BSN: variants seen among roughly 807,000 people sequenced by gnomAD.
BSN encodes protein bassoon.
In BSN, 57 loss-of-function variants were observed where a neutral mutation model predicts 264.8. The ratio of observed to expected loss-of-function variants is 0.22; its 90% CI spans 0.17 to 0.27. The LOEUF (loss-of-function observed/expected upper bound fraction) is 0.27. Ranked by LOEUF, BSN falls within the 10% of genes least tolerant of loss-of-function variation. The pLI is 1.00. For synonymous variants in BSN, 2,059 were observed against 2,137.3 expected (o/e 0.96, Z 1.01); for missense variants, 4,615 against 5,232.5 (o/e 0.88, Z 3.64).
In BSN at chr3:49,662,329, C is replaced by G. The variant is rs979579029; in HGVS notation, c.10484C>G (p.Pro3495Arg). The G allele has an allele frequency of 6.2e-7, 1 of 1,613,630 alleles. No individual in the cohort carries two copies. Among genetic ancestry groups the G allele is most frequent in the Admixed American group, 1.7e-5 (1 of 60,022 alleles). ...SLSMAHSRVR[P>R]PMRSQASEEE... ...AGTATGGCCCACAGCCGGGTACGACCCCCCATGCGGAGCCAGGCCTCTGAA... is the reference window on the plus strand; with the variant it reads ...AGTATGGCCCACAGCCGGGTACGACGCCCCATGCGGAGCCAGGCCTCTGAA... Residue 3495 changes from proline (P) to arginine (R), a missense_variant, in exon 6 of 12, where the codon CCC (proline) becomes CGC (arginine). Coordinates refer to ENST00000296452, the MANE Select transcript of BSN (RefSeq NM_003458.4).
rs773964271 is a variant in BSN at position 49,652,154 on chromosome 3, G to C, written c.2598G>C (p.Gly866=). ...AGGAGGATGACACTGCCACCTCCGG[G>C]CGTGGCCTGGCCAAACATGGCACCC... is the stretch of plus-strand genomic sequence containing the variant. ...NLEEDDTATS[G]RGLAKHGTQK... is the part of the protein sequence containing the mutation. Residue 866 remains glycine (G), a synonymous_variant, in exon 5 of 12, where the codon GGG becomes GGC. Transcript: ENST00000296452. 1 of 1,614,038 alleles carries C rather than the reference G, an allele frequency of 6.2e-7. No individual in the cohort carries two copies. The highest frequency in any genetic ancestry group is 1.7e-5 in the Admixed American group (1 of 60,022).
rs777280516 is a variant in BSN, at chr3:49,642,674, C to G, written c.1040C>G (p.Thr347Ser). The G allele has an allele frequency of 8.7e-6, 14 of 1,611,028 alleles. No homozygotes were observed. The South Asian group carries it at 1.5e-4, about 18-fold the overall frequency. The change falls in exon 3 of 12, where the codon ACT becomes AGT. Residue 347 changes from threonine (T) to serine (S), a missense_variant. Thr to Ser is a moderately conservative substitution (Grantham distance 58). Around this residue, in one of 3 missense-constraint regions of BSN, gnomAD observed 1,197 missense variants for 1,348.0 expected, o/e 0.89. Transcript: ENST00000296452. The surrounding 1 kb of genome is among the most constrained non-coding windows in gnomAD (Gnocchi z 7.0). ...GATEQTQEGL[T>S]GKLFGLGASL... ...ACTGAGCAGACCCAGGAGGGCCTCA[C>G]TGGTAAGCTCTTCGGCCTTGGCGCG...
chr3:49,664,222 C>G (rs1433855538), intron 8 of BSN, among the ~76,000 whole-genome samples: 1 of 151,980 alleles, frequency 6.6e-6, no homozygotes, highest in Non-Finnish European at 1.5e-5. Flanking sequence ...TCTTCTTTCC[C>G]TTCCTCAACC....
At chr3:49,618,955 C>T (rs183735036) in intron 1 of BSN, among the ~76,000 whole-genome samples, 70 of 152,126 alleles carry the variant, frequency 4.6e-4, no homozygotes, top group African/African-American at 1.5e-3. Flanking sequence ...TATAAGAATA[C>T]CTATACAACA....
At chr3:49,611,313 T>C (rs1040418669) in intron 1 of BSN, among the ~76,000 whole-genome samples, 1 of 152,214 alleles carries the variant, frequency 6.6e-6, no homozygotes, top group Non-Finnish European at 1.5e-5. Context: ...GGCTCAGCTT[T>C]ATGTAATGAC....
At chr3:49,666,782 G>A (rs989376561) in intron 11 of BSN, among the ~76,000 whole-genome samples, 2 of 152,200 alleles carry the variant, frequency 1.3e-5, no homozygotes, top group South Asian at 4.1e-4. Context: ...AAGTCCAAGG[G>A]GGTGGGAGCC....
rs146570799 is a variant in BSN, at chr3:49,663,460, C to T, written c.11302C>T (p.Pro3768Ser). 6.2e-6 allele frequency: 10 copies of T among 1,612,886 alleles called. No individual in the cohort carries two copies. Among genetic ancestry groups the T allele is most frequent in the Admixed American group, 1.7e-5 (1 of 60,010 alleles). Residue 3768 changes from proline to serine, a missense_variant, in exon 7 of 12, where the codon CCC becomes TCC. Pro to Ser is a moderately conservative substitution (Grantham distance 74, BLOSUM62 -1). Around this residue, in one of 3 missense-constraint regions of BSN, gnomAD observed 3,415 missense variants for 3,866.4 expected, o/e 0.88. Transcript: ENST00000296452. ...QSQSPSSRQI[P>S]SGAASRQPQT... ...ACAGTCACCATCATCCAGGCAAATA[C>T]CCTCTGGGGCAGCATCACGCCAGCC...
chr3:49,578,790 A>G (rs1402477171), intron 1 of BSN, among the ~76,000 whole-genome samples: 1 of 151,972 alleles, frequency 6.6e-6, no homozygotes, highest in Admixed American at 6.6e-5. Context: ...TCCCCCCTCT[A>G]TCTATCCTCC....
chr3:49,630,249 G>C (rs559638365), intron 2 of BSN, among the ~76,000 whole-genome samples: 1 of 152,342 alleles, frequency 6.6e-6, no homozygotes, highest in East Asian at 1.9e-4. Flanking sequence ...GGGAGGTAAA[G>C]GTGTCTTCTG....
chr3:49,662,621 T>G (rs1393214606), intron 6 of BSN, 59 bp downstream of exon 6: 13 of 1,536,454 alleles, frequency 8.5e-6, no homozygotes, highest in Non-Finnish European at 1.1e-5. Flanking sequence ...CCTGCCTACC[T>G]GTGGGGCCCT....
In BSN at chr3:49,654,424, C is replaced by T. The variant is rs150254561; in HGVS notation, c.4868C>T (p.Ala1623Val). ...TTTCCACGGGTGCCCAGTGCTGGTG[C>T]AGATGGGCCCCTGGCACTATATGGC... ...PGFPRVPSAGADGPLALYGWG... is the reference protein window; with the variant it reads ...PGFPRVPSAGVDGPLALYGWG... Residue 1623 changes from alanine (A) to valine (V), a missense_variant, in exon 5 of 12, where the codon GCA becomes GTA. Physicochemically the swap from Ala to Val is moderately conservative, Grantham distance 64 (BLOSUM62 0). This residue lies in a region of BSN where 3,415 missense variants were observed against 3,866.4 expected (regional missense o/e 0.88). Coordinates refer to ENST00000296452, the MANE Select transcript of BSN (RefSeq NM_003458.4). The surrounding 1 kb of genome is among the most constrained non-coding windows in gnomAD (Gnocchi z 4.1). 1.3e-5 allele frequency: 20 copies of T among 1,599,358 alleles called. No homozygotes were observed. The highest frequency in any genetic ancestry group is 1.6e-5 in the Non-Finnish European group (19 of 1,173,808).
rs778631583 is a variant in BSN, at chr3:49,657,069, C to G, written c.7513C>G (p.Leu2505Val). The change falls in exon 5 of 12, where the codon CTT becomes GTT. Residue 2505 changes from leucine to valine, a missense_variant. Around this residue, in one of 3 missense-constraint regions of BSN, gnomAD observed 3,415 missense variants for 3,866.4 expected, o/e 0.88. Transcript: ENST00000296452. ...LAQNGQYWPP[L>V]THAAFIAMAG... is the part of the protein sequence containing the mutation. ...CCAGAATGGCCAGTATTGGCCCCCC[C>G]TTACACATGCAGCCTTCATTGCCAT... 1.2e-6 allele frequency: 2 copies of G among 1,609,744 alleles called. No individual in the cohort carries two copies. Among genetic ancestry groups the G allele is most frequent in the Non-Finnish European group, 1.7e-6 (2 of 1,177,310 alleles).
chr3:49,643,669 A>AT (rs1483466758), intron 3 of BSN, among the ~76,000 whole-genome samples: 6 of 152,152 alleles, frequency 3.9e-5, no homozygotes, highest in Non-Finnish European at 8.8e-5. Context: ...TTCAACCTTG[A>AT]TTGTCTCTTC....
At position 49,585,639 on chromosome 3, in the gene BSN, C is replaced by G. The variant is rs895627606; in HGVS notation, c.224+30813C>G. On this transcript the variant is annotated intron_variant, in intron 1 of 11. Transcript: ENST00000296452. This position sits in a 1 kb window ranked among gnomAD's most constrained non-coding sequence, Gnocchi z 4.7. ...TTTCTTCAGCCGCCCCTGGGCGCTG[C>G]GTCTAACCCCAATTTTTAGTTTTTT... is the stretch of plus-strand genomic sequence containing the variant. 6.6e-6 allele frequency among the ~76,000 whole-genome samples: 1 copy of G among 152,222 alleles called. No homozygotes were observed. Among genetic ancestry groups the G allele is most frequent in the African/African-American group, 2.4e-5 (1 of 41,464 alleles).
In BSN at chr3:49,554,645, C is replaced by A. The variant is rs2051648969; in HGVS notation, c.43C>A (p.Pro15Thr). 4.8e-5 allele frequency: 47 copies of A among 984,682 alleles called. 1 individual carries two copies. The South Asian group carries it at 2.0e-3, about 43-fold the overall frequency. 61.0% of individuals were successfully genotyped at this position (984,682 alleles called of 1,614,324 possible). A position where few individuals can be genotyped will look rare whatever the true frequency, so the allele number is the denominator to read the frequency against. Residue 15 changes from proline to threonine, a missense_variant, in exon 1 of 12, where the codon CCG becomes ACG. Coordinates refer to ENST00000296452, the MANE Select transcript of BSN (RefSeq NM_003458.4). ...CCTGGAGGGCGGCGCTGGCGACGGG[C>A]CGCTGCCGCCCGGCGGCGCCGGCCC... is the stretch of plus-strand genomic sequence containing the variant. ...VSLEGGAGDG[P>T]LPPGGAGPGP... is the part of the protein sequence containing the mutation.
chr3:49,663,203 A>T lies in BSN; in HGVS notation c.11045A>T (p.His3682Leu). 1.2e-6 allele frequency: 2 copies of T among 1,613,906 alleles called. No homozygotes were observed. Among genetic ancestry groups the T allele is most frequent in the Non-Finnish European group, 8.5e-7 (1 of 1,179,972 alleles). Residue 3682 changes from histidine (H) to leucine (L), a missense_variant, in exon 7 of 12, where the codon CAC becomes CTC. Around this residue, in one of 3 missense-constraint regions of BSN, gnomAD observed 3,415 missense variants for 3,866.4 expected, o/e 0.88. Coordinates refer to ENST00000296452, the MANE Select transcript of BSN (RefSeq NM_003458.4). ...CTGGGTCGCCATGAGGCCCGGCCCC[A>T]CTCTCAGCCCAGCTCTGCTCCAGCT... is the stretch of plus-strand genomic sequence containing the variant. ...RDLGRHEARP[H>L]SQPSSAPAMP...
In BSN at chr3:49,657,803, C is replaced by T. The variant is rs371660141; in HGVS notation, c.8247C>T (p.Ile2749=). The T allele has an allele frequency of 4.4e-6, 7 of 1,578,182 alleles. No homozygotes were observed. The highest frequency in any genetic ancestry group is 1.8e-5 in the Admixed American group (1 of 55,736). The part of the protein sequence containing the change: ...AISPYLPGIQ[I]VTPGPLGRFE... ...GCCCCTACCTGCCTGGCATCCAGAT[C>T]GTCACCCCAGGGCCTCTGGGCAGAT... is the stretch of plus-strand genomic sequence containing the variant. The change falls in exon 5 of 12, where the codon ATC becomes ATT. Residue 2749 remains isoleucine, a synonymous_variant. Coordinates refer to ENST00000296452, the MANE Select transcript of BSN (RefSeq NM_003458.4).
chr3:49,577,057 G>A (rs1404132925), intron 1 of BSN, among the ~76,000 whole-genome samples: 1 of 152,158 alleles, frequency 6.6e-6, no homozygotes, highest in Non-Finnish European at 1.5e-5. Context: ...CCTTTCCAGG[G>A]CACGATAGTG....
intron 1 of BSN, among the ~76,000 whole-genome samples, chr3:49,582,373 A>G (rs1292002402): frequency 6.6e-6 from 1 of 152,172 alleles, no homozygotes; most frequent in East Asian, 1.9e-4. Context: ...TTACATTTGC[A>G]GTCATAACAC....
Sources: gnomAD v4.1 joint callset for allele counts (sites outside exome capture counted in the v4.1 genomes callset) on GRCh38, gnomAD v4.1.1 for gene constraint, gnomAD v4.1.1 regional missense constraint, Gnocchi (gnomAD v3.1) non-coding constraint, MANE v1.5 for transcripts, NCBI Gene and HGNC (gene_info 2026-07-23, HGNC 2026-07-21) for gene names.